PCDHA12: variants seen among roughly 807,000 people sequenced by gnomAD.
PCDHA12 encodes the protein protocadherin alpha-12.
Under a neutral mutation model 60.0 loss-of-function variants are expected in PCDHA12, and 44 were observed. That is an observed-to-expected ratio of 0.73 (90% CI 0.58 to 0.94). The LOEUF (loss-of-function observed/expected upper bound fraction) is 0.94, where lower values mean the gene tolerates loss of function less well. Ranked by LOEUF, PCDHA12 falls within the 40% of genes least tolerant of loss-of-function variation. The pLI, the probability that PCDHA12 is intolerant of heterozygous loss-of-function variation, is 0.00. For synonymous variants in PCDHA12, 569 were observed against 553.0 expected (o/e 1.03, Z -0.40); for missense variants, 1,276 against 1,239.7 (o/e 1.03, Z -0.44).
intron 3 of PCDHA12, among the ~76,000 whole-genome samples, chr5:140,987,422 G>A (rs1554249178): frequency 6.6e-6 from 1 of 152,152 alleles, no homozygotes; most frequent in Non-Finnish European, 1.5e-5. Flanking sequence ...CTTGTGAGAA[G>A]CAGGGGGCCT....
chr5:140,982,221 A>T, intron 2 of PCDHA12: 1 of 546,340 alleles, frequency 1.8e-6, no homozygotes. Flanking sequence ...ACATGGCGTT[A>T]ATAAAAAACA....
At chr5:140,974,083 T>C (rs1345131685) in intron 1 of PCDHA12, among the ~76,000 whole-genome samples, 1 of 152,236 alleles carries the variant, frequency 6.6e-6, no homozygotes, top group Non-Finnish European at 1.5e-5. Flanking sequence ...AACCATGACT[T>C]CAAAAATCAA....
chr5:140,984,056 G>T (rs569184437), intron 3 of PCDHA12, among the ~76,000 whole-genome samples: 1 of 152,200 alleles, frequency 6.6e-6, no homozygotes, highest in Non-Finnish European at 1.5e-5. Context: ...TGACAAATCT[G>T]TACCCTCAGT....
Position 140,884,123 on chromosome 5 carries a change from C to T in PCDHA12, c.2367+6284C>T, listed in dbSNP as rs1360744073. 2.5e-6 allele frequency: 4 copies of T among 1,613,230 alleles called. No homozygotes were observed. The African/African-American group carries it at 4.0e-5, about 16-fold the overall frequency. ...ATTGCAGCTGGCGGCGGTCGGCGCGCGCATCCCGTTCCGCGTGGGGCTGTA... is the reference window on the plus strand; with the variant it reads ...ATTGCAGCTGGCGGCGGTCGGCGCGTGCATCCCGTTCCGCGTGGGGCTGTA... On this transcript the variant is annotated intron_variant, in intron 1 of 3. Coordinates refer to ENST00000398631, the MANE Select transcript of PCDHA12 (RefSeq NM_018903.4).
intron 1 of PCDHA12, among the ~76,000 whole-genome samples, chr5:140,960,487 GGTTT>G: frequency 6.6e-6 from 1 of 152,236 alleles, no homozygotes; most frequent in South Asian, 2.1e-4. Context: ...CAGAGGTGTA[GGTTT>G]GTTTGTTCCA....
intron 1 of PCDHA12, among the ~76,000 whole-genome samples, chr5:140,891,369 A>G (rs13168533): frequency 0.051 from 7,710 of 152,068 alleles, 281 homozygotes; most frequent in Non-Finnish European, 0.073. Context: ...AGCAGTATAC[A>G]TTGCACCATA....
chr5:140,883,302 A>T (rs1177736093), intron 1 of PCDHA12: 1 of 1,613,992 alleles, frequency 6.2e-7, no homozygotes, highest in African/African-American at 1.3e-5. Context: ...GATGTAAATG[A>T]TAACGCCCCA....
At chr5:140,905,787 G>A (rs1468265319) in intron 1 of PCDHA12, among the ~76,000 whole-genome samples, 1 of 152,012 alleles carries the variant, frequency 6.6e-6, no homozygotes, top group Non-Finnish European at 1.5e-5. Context: ...TATTAGTCAG[G>A]GTTCTCTAGA....
Position 140,876,243 on chromosome 5 carries a change from C to A in PCDHA12, c.771C>A (p.Asn257Lys). 6.2e-7 allele frequency: 1 copy of A among 1,613,948 alleles called. No individual in the cohort carries two copies. Among genetic ancestry groups the A allele is most frequent in the Non-Finnish European group, 8.5e-7 (1 of 1,179,880 alleles). Residue 257 changes from asparagine (N) to lysine (K), a missense_variant, in exon 1 of 4, where the codon AAC (asparagine) becomes AAA (lysine). Asn to Lys is a moderately conservative substitution (Grantham distance 94). Transcript: ENST00000398631. ...YKVVLSENVQ[N>K]DTRVIQLNAS... ...TAGTGTTGTCTGAAAATGTCCAAAA[C>A]GACACAAGAGTGATCCAACTAAATG...
chr5:140,926,767 C>T (rs1323702990), intron 1 of PCDHA12: 8 of 1,358,906 alleles, frequency 5.9e-6, no homozygotes, highest in Admixed American at 3.2e-5. Context: ...AGTATCCAGC[C>T]CGCAGCAGTG....
intron 1 of PCDHA12, chr5:140,882,420 A>G: frequency 1.2e-6 from 2 of 1,614,046 alleles, no homozygotes; most frequent in Non-Finnish European, 1.7e-6. Flanking sequence ...ATCGCTCAGG[A>G]CCTGGGGCTG....
chr5:140,980,015 G>A (rs1164072132), intron 2 of PCDHA12, among the ~76,000 whole-genome samples: 2 of 152,192 alleles, frequency 1.3e-5, no homozygotes, highest in East Asian at 3.9e-4. Flanking sequence ...CATTACAAAT[G>A]AGCAGAAATC....
intron 1 of PCDHA12, among the ~76,000 whole-genome samples, chr5:140,914,575 A>G (rs2076765762): frequency 2.0e-5 from 3 of 152,018 alleles, no homozygotes; most frequent in African/African-American, 7.2e-5. Context: ...TTTACATTCA[A>G]TAATTTCATT....
intron 1 of PCDHA12, among the ~76,000 whole-genome samples, chr5:140,925,799 C>G (rs1200619545): frequency 6.6e-6 from 1 of 151,996 alleles, no homozygotes; most frequent in Non-Finnish European, 1.5e-5. Flanking sequence ...CAGTACTTTC[C>G]CCTCCACTTC....
At chr5:140,922,068 A>C (rs1554200634) in intron 1 of PCDHA12, among the ~76,000 whole-genome samples, 1 of 152,196 alleles carries the variant, frequency 6.6e-6, no homozygotes, top group African/African-American at 2.4e-5. Context: ...TAGCAATCCC[A>C]CTAAGCAAAA....
At chr5:140,983,437 A>C (rs1046174445) in intron 3 of PCDHA12, among the ~76,000 whole-genome samples, 1 of 152,202 alleles carries the variant, frequency 6.6e-6, no homozygotes, top group African/African-American at 2.4e-5. Flanking sequence ...AATTGTGTCT[A>C]CTCTAATCCT....
At chr5:140,905,135 T>G (rs2071619691) in intron 1 of PCDHA12, among the ~76,000 whole-genome samples, 1 of 152,208 alleles carries the variant, frequency 6.6e-6, no homozygotes, top group Admixed American at 6.5e-5. Context: ...GAAGAGTTTT[T>G]CTGCTGTTAT....
chr5:140,887,239 G>A (rs1248062448), intron 1 of PCDHA12, among the ~76,000 whole-genome samples: 2 of 151,736 alleles, frequency 1.3e-5, no homozygotes, highest in Admixed American at 6.6e-5. Context: ...TGAGACTACC[G>A]GCGCCCGCCA....
intron 1 of PCDHA12, among the ~76,000 whole-genome samples, chr5:140,919,122 T>G (rs879989359): frequency 6.6e-6 from 1 of 152,224 alleles, no homozygotes; most frequent in African/African-American, 2.4e-5. Context: ...AGTTTTTGCT[T>G]CATGTGTTTT....
Sources: gnomAD v4.1 joint callset for allele counts (sites outside exome capture counted in the v4.1 genomes callset) on GRCh38, gnomAD v4.1.1 for gene constraint, MANE v1.5 for transcripts, NCBI Gene and HGNC (gene_info 2026-07-23, HGNC 2026-07-21) for gene names.